IQGAP2: variants seen among roughly 807,000 people sequenced by gnomAD.
The protein encoded by IQGAP2 is ras GTPase-activating-like protein IQGAP2.
In IQGAP2, 173 loss-of-function variants were observed where a neutral mutation model predicts 201.3. The observed-to-expected ratio is 0.86, with a 90% confidence interval of 0.76 to 0.98. The LOEUF (loss-of-function observed/expected upper bound fraction) is 0.98, where lower values mean the gene tolerates loss of function less well. Ranked by LOEUF, IQGAP2 falls within the 50% of genes least tolerant of loss-of-function variation. The pLI is 0.00. For missense variants in IQGAP2, 1,687 were observed against 1,864.8 expected (o/e 0.90, Z 1.76); for synonymous variants, 675 against 673.9 (o/e 1.00, Z -0.03).
chr5:76,678,435 AAAGCT>A (rs1745016327), intron 28 of IQGAP2, among the ~76,000 whole-genome samples: 1 of 152,190 alleles, frequency 6.6e-6, no homozygotes, highest in Non-Finnish European at 1.5e-5. Flanking sequence ...TAAAAAAAAA[AAAGCT>A]AAGCATTGAG....
intron 30 of IQGAP2, among the ~76,000 whole-genome samples, chr5:76,685,497 C>A (rs1049710681): frequency 3.9e-5 from 6 of 152,186 alleles, no homozygotes; most frequent in Non-Finnish European, 7.3e-5. Flanking sequence ...ATCAGATAAT[C>A]TGAATATCAT....
At chr5:76,626,796 G>A (rs897494384) in intron 13 of IQGAP2, among the ~76,000 whole-genome samples, 2 of 152,094 alleles carry the variant, frequency 1.3e-5, no homozygotes, top group Admixed American at 6.5e-5. Flanking sequence ...AGGGTAGCCC[G>A]GGAAGACTTT....
chr5:76,476,096 A>G, intron 2 of IQGAP2, among the ~76,000 whole-genome samples: 1 of 152,214 alleles, frequency 6.6e-6, no homozygotes, highest in East Asian at 1.9e-4. Flanking sequence ...CAAGATTTGG[A>G]AGCCTTGATC....
At chr5:76,693,237 A>C in intron 30 of IQGAP2, 118 bp from the exon 31 acceptor site, 1 of 611,070 alleles carries the variant, frequency 1.6e-6, no homozygotes, top group South Asian at 2.3e-5. Flanking sequence ...GTTTTATTTT[A>C]AGGTATTATC....
At chr5:76,619,555 C>A (rs533565423) in intron 13 of IQGAP2, among the ~76,000 whole-genome samples, 1 of 139,726 alleles carries the variant, frequency 7.2e-6, no homozygotes. Context: ...CTCACTCTGT[C>A]GCCCAGGCTG....
At chr5:76,443,869 AC>A (rs1753202299) in intron 1 of IQGAP2, among the ~76,000 whole-genome samples, 1 of 152,194 alleles carries the variant, frequency 6.6e-6, no homozygotes, top group Non-Finnish European at 1.5e-5. Flanking sequence ...AGTTATTGAC[AC>A]TTTTTTCTAT....
chr5:76,658,295 G>T (rs1179449260), intron 20 of IQGAP2, among the ~76,000 whole-genome samples, 164 bp from the exon 21 acceptor site: 1 of 152,152 alleles, frequency 6.6e-6, no homozygotes, highest in Non-Finnish European at 1.5e-5. Flanking sequence ...CAGTTTCCTT[G>T]TCCAGATTTT....
At chr5:76,434,998 T>G (rs972210723) in intron 1 of IQGAP2, among the ~76,000 whole-genome samples, 9 of 152,170 alleles carry the variant, frequency 5.9e-5, no homozygotes, top group Non-Finnish European at 1.5e-5. Flanking sequence ...TTTTTATATT[T>G]TCTTTTGAGA....
chr5:76,476,471 A>G (rs569193814), intron 2 of IQGAP2, among the ~76,000 whole-genome samples: 3 of 152,314 alleles, frequency 2.0e-5, no homozygotes, highest in Non-Finnish European at 4.4e-5. Flanking sequence ...GGGATTTTGA[A>G]GCAAAAGCCA....
intron 1 of IQGAP2, among the ~76,000 whole-genome samples, chr5:76,458,369 G>C (rs1754223815): frequency 6.6e-6 from 1 of 152,170 alleles, no homozygotes; most frequent in African/African-American, 2.4e-5. Context: ...TTAAATGACA[G>C]TGTTATTATC....
At chr5:76,470,125 T>G (rs1474618786) in intron 2 of IQGAP2, among the ~76,000 whole-genome samples, 1 of 152,156 alleles carries the variant, frequency 6.6e-6, no homozygotes, top group Non-Finnish European at 1.5e-5. Context: ...TCTCAGTTCC[T>G]TGCTGCTGTT....
chr5:76,599,703 G>A (rs969558482), intron 10 of IQGAP2, among the ~76,000 whole-genome samples: 5 of 151,890 alleles, frequency 3.3e-5, no homozygotes, highest in African/African-American at 7.3e-5. Context: ...GACTTCTGTG[G>A]AGATCCAGAA....
chr5:76,701,148 G>A lies in IQGAP2; in HGVS notation c.4440G>A (p.Lys1480=). 2 of 1,614,106 alleles carry A rather than the reference G, an allele frequency of 1.2e-6. No homozygotes were observed. Among genetic ancestry groups the A allele is most frequent in the Non-Finnish European group, 1.7e-6 (2 of 1,179,900 alleles). ...PKGAKRAKPV[K]YTAAKLHEKG... ...GGGCGAAGAGAGCGAAGCCAGTGAA[G>A]TACACTGCAGCAAAGCTGCATGAGA... is the stretch of plus-strand genomic sequence containing the variant. The change falls in exon 34 of 36, where the codon AAG becomes AAA. Residue 1480 remains lysine (K), a synonymous_variant. Coordinates refer to ENST00000274364, the MANE Select transcript of IQGAP2 (RefSeq NM_006633.5).
intron 1 of IQGAP2, among the ~76,000 whole-genome samples, chr5:76,447,278 G>A (rs1158505427): frequency 6.6e-6 from 1 of 152,154 alleles, no homozygotes; most frequent in East Asian, 1.9e-4. Flanking sequence ...CAGTCAGGTA[G>A]TAAAGAGAGC....
At chr5:76,478,318 T>C (rs562395555) in intron 2 of IQGAP2, among the ~76,000 whole-genome samples, 2 of 152,218 alleles carry the variant, frequency 1.3e-5, no homozygotes, top group African/African-American at 2.4e-5. Context: ...GGAGAATCAC[T>C]TGAACCCAGG....
At chr5:76,459,264 G>GTTCTGCTGGGGCTTCTGTC (rs1754289132) in intron 1 of IQGAP2, among the ~76,000 whole-genome samples, 1 of 152,144 alleles carries the variant, frequency 6.6e-6, no homozygotes, top group African/African-American at 2.4e-5. Context: ...GAGGGACGGG[G>GTTCTGCTGGGGCTTCTGTC]TTCTGCTGGG....
At chr5:76,475,213 G>A (rs1755345585) in intron 2 of IQGAP2, among the ~76,000 whole-genome samples, 1 of 152,180 alleles carries the variant, frequency 6.6e-6, no homozygotes, top group East Asian at 1.9e-4. Flanking sequence ...TGAGGAGGGT[G>A]GAGGCATGAA....
At chr5:76,625,848 C>T (rs572414142) in intron 13 of IQGAP2, among the ~76,000 whole-genome samples, 30 of 152,318 alleles carry the variant, frequency 2.0e-4, no homozygotes, top group African/African-American at 5.3e-4. Flanking sequence ...GGATTTAGAA[C>T]ACGACACTTA....
chr5:76,606,646 G>C (rs1358205269), intron 12 of IQGAP2: 2 of 157,074 alleles, frequency 1.3e-5, no homozygotes, highest in African/African-American at 4.8e-5. Flanking sequence ...TTTTATTTGG[G>C]CATCTTTTTT....
Sources: allele counts gnomAD v4.1 joint callset (sites outside exome capture counted in the v4.1 genomes callset), GRCh38; gene constraint gnomAD v4.1.1; transcripts MANE v1.5; gene names NCBI Gene and HGNC (gene_info 2026-07-23, HGNC 2026-07-21).